The following NPAS3 variants were observed in gnomAD, a reference collection of about 807,000 sequenced individuals.
NPAS3 encodes the protein neuronal PAS domain protein 3.
Under a neutral mutation model 73.1 loss-of-function variants are expected in NPAS3, and 14 were observed. The observed-to-expected ratio is 0.19, with a 90% confidence interval of 0.13 to 0.30. NPAS3 has a LOEUF of 0.30. NPAS3 is among the 10% of genes least tolerant of loss of function. The probability of loss-of-function intolerance (pLI) is 1.00; values close to 1 mark genes in which losing one functional copy is unlikely to be tolerated. For synonymous variants in NPAS3, 620 were observed against 541.5 expected (o/e 1.14, Z -2.01); for missense variants, 1,096 against 1,250.0 (o/e 0.88, Z 1.86).
chr14:33,554,937 T>A (rs1199597425), intron 4 of NPAS3, among the ~76,000 whole-genome samples: 2 of 152,352 alleles, frequency 1.3e-5, no homozygotes, highest in East Asian at 3.9e-4. Context: ...AGCATTCAGC[T>A]TTTGGGGTTA....
At chr14:33,688,984 G>A (rs2060163105) in intron 6 of NPAS3, among the ~76,000 whole-genome samples, 1 of 152,182 alleles carries the variant, frequency 6.6e-6, no homozygotes, top group African/African-American at 2.4e-5. Context: ...CTGCAGTCTG[G>A]TTAACTTGCA....
At chr14:33,658,256 T>C (rs912393224) in intron 5 of NPAS3, among the ~76,000 whole-genome samples, 5 of 152,220 alleles carry the variant, frequency 3.3e-5, no homozygotes, top group African/African-American at 1.2e-4. Flanking sequence ...CAGTGACTTA[T>C]CCAGCCTCAT....
chr14:32,966,303 C>T (rs1219799790), intron 1 of NPAS3, among the ~76,000 whole-genome samples: 1 of 152,100 alleles, frequency 6.6e-6, no homozygotes, highest in Non-Finnish European at 1.5e-5. Flanking sequence ...TTAAAATATA[C>T]TACAAAAGAG....
intron 5 of NPAS3, among the ~76,000 whole-genome samples, chr14:33,660,437 C>T (rs1595380771): frequency 6.6e-6 from 1 of 152,184 alleles, no homozygotes; most frequent in Admixed American, 6.5e-5. Context: ...GCCCGTAAAT[C>T]CCTGAGTCAT....
chr14:33,003,097 C>G (rs1334537326), intron 1 of NPAS3, among the ~76,000 whole-genome samples: 1 of 150,282 alleles, frequency 6.7e-6, no homozygotes, highest in Non-Finnish European at 1.5e-5. Context: ...GAATTGAGGA[C>G]AAACATTTCC....
intron 4 of NPAS3, among the ~76,000 whole-genome samples, chr14:33,539,661 G>GTGT (rs1305105015): frequency 6.6e-6 from 1 of 152,084 alleles, no homozygotes; most frequent in Non-Finnish European, 1.5e-5. Flanking sequence ...TGAAAGTAAT[G>GTGT]TGTTGGCTTC....
At chr14:33,599,874 C>T (rs1202486865) in intron 5 of NPAS3, among the ~76,000 whole-genome samples, 1 of 152,098 alleles carries the variant, frequency 6.6e-6, no homozygotes, top group Non-Finnish European at 1.5e-5. Context: ...CCTTTGTTAG[C>T]CTTAAAACAA....
intron 1 of NPAS3, among the ~76,000 whole-genome samples, chr14:32,962,635 G>A (rs371150538): frequency 2.9e-5 from 4 of 138,596 alleles, no homozygotes; most frequent in African/African-American, 8.3e-5. Flanking sequence ...GCAGTGGTGC[G>A]ATCTTGGCTC....
At chr14:33,105,239 G>A (rs1287180846) in intron 2 of NPAS3, among the ~76,000 whole-genome samples, 1 of 152,084 alleles carries the variant, frequency 6.6e-6, no homozygotes, top group African/African-American at 2.4e-5. Context: ...ACCAAGTGAC[G>A]CTTTGCTCTG....
At chr14:33,797,095 C>G (rs939664143) in intron 10 of NPAS3, among the ~76,000 whole-genome samples, 1 of 152,166 alleles carries the variant, frequency 6.6e-6, no homozygotes, top group Non-Finnish European at 1.5e-5. Context: ...AGAGAAGACA[C>G]GACACACCAG....
intron 3 of NPAS3, among the ~76,000 whole-genome samples, chr14:33,347,925 G>A (rs2044824926): frequency 6.6e-6 from 1 of 151,876 alleles, no homozygotes; most frequent in Admixed American, 6.6e-5. Context: ...TGCAGATACA[G>A]GATCAGCCAA....
chr14:32,986,760 T>G (rs2038115762), intron 1 of NPAS3, among the ~76,000 whole-genome samples: 2 of 152,226 alleles, frequency 1.3e-5, no homozygotes, highest in Admixed American at 1.3e-4. Flanking sequence ...CGTTGTAGCT[T>G]TGATTGAGCT....
chr14:33,591,252 T>A (rs1044238428), intron 5 of NPAS3, among the ~76,000 whole-genome samples: 1 of 152,144 alleles, frequency 6.6e-6, no homozygotes, highest in African/African-American at 2.4e-5. Context: ...CACTGCCCAC[T>A]CTTCTCGACT....
intron 2 of NPAS3, among the ~76,000 whole-genome samples, chr14:33,124,088 A>G (rs1181980826): frequency 6.6e-6 from 1 of 151,964 alleles, no homozygotes; most frequent in Non-Finnish European, 1.5e-5. Flanking sequence ...TCCTGGGCTC[A>G]AGAGATCCAT....
intron 5 of NPAS3, among the ~76,000 whole-genome samples, chr14:33,655,578 G>A (rs2149830): frequency 0.51 from 77,828 of 151,798 alleles, 20,071 homozygotes; most frequent in East Asian, 0.58. Context: ...TTACATTACC[G>A]GAAATTTTAC....
chr14:33,114,508 C>G (rs183653348), intron 2 of NPAS3, among the ~76,000 whole-genome samples: 153 of 152,216 alleles, frequency 1.0e-3, no homozygotes, highest in African/African-American at 3.6e-3. Context: ...TTATGAGAGA[C>G]TTGGGTATTT....
intron 3 of NPAS3, among the ~76,000 whole-genome samples, chr14:33,363,507 TA>T (rs1469878029): frequency 1.3e-5 from 2 of 152,290 alleles, no homozygotes; most frequent in Middle Eastern, 3.4e-3. Context: ...GATGATTTTT[TA>T]AAAAACCAAT....
At chr14:33,325,800 G>C (rs2043678112) in intron 3 of NPAS3, among the ~76,000 whole-genome samples, 1 of 150,518 alleles carries the variant, frequency 6.6e-6, no homozygotes. Context: ...ACACTTTCCA[G>C]CCTCTGGTAA....
chr14:33,705,379 G>A (rs1320151902), intron 6 of NPAS3, among the ~76,000 whole-genome samples: 1 of 152,118 alleles, frequency 6.6e-6, no homozygotes, highest in Non-Finnish European at 1.5e-5. Flanking sequence ...TAAAGTTTTG[G>A]GAGTGTTGAA....
Sources: allele counts gnomAD v4.1 joint callset (sites outside exome capture counted in the v4.1 genomes callset), GRCh38; gene constraint gnomAD v4.1.1; transcripts MANE v1.5; gene names NCBI Gene and HGNC (gene_info 2026-07-23, HGNC 2026-07-21).